The following ADAMTS17 variants were observed in gnomAD, a reference collection of about 807,000 sequenced individuals.
ADAMTS17 encodes ADAM metallopeptidase with thrombospondin type 1 motif 17, also known as A disintegrin and metalloproteinase with thrombospondin motifs 17.
A neutral mutation model predicts 141.5 loss-of-function variants in ADAMTS17; 113 were observed. The observed-to-expected ratio is 0.80, with a 90% CI of 0.69 to 0.93. The LOEUF (loss-of-function observed/expected upper bound fraction) is 0.93, where lower values mean the gene tolerates loss of function less well. Among genes scored for constraint, ADAMTS17 ranks in the 40% least tolerant of loss-of-function variants. The pLI is 0.00. For missense variants in ADAMTS17, 1,659 were observed against 1,517.9 expected (o/e 1.09, Z -1.54); for synonymous variants, 768 against 630.6 (o/e 1.22, Z -3.27).
intron 7 of ADAMTS17, among the ~76,000 whole-genome samples, chr15:100,229,495 T>C (rs2042410907): frequency 6.6e-6 from 1 of 152,208 alleles, no homozygotes; most frequent in African/African-American, 2.4e-5. Flanking sequence ...GTTCTGCCTG[T>C]TGACCTGGAT....
At chr15:99,977,641 C>T (rs1033990765) in intron 20 of ADAMTS17, among the ~76,000 whole-genome samples, 5 of 151,394 alleles carry the variant, frequency 3.3e-5, no homozygotes, top group African/African-American at 1.2e-4. Context: ...GTCTTGAACT[C>T]CTGACCTCAG....
At chr15:100,079,166 C>A (rs2034570818) in intron 15 of ADAMTS17, among the ~76,000 whole-genome samples, 1 of 152,172 alleles carries the variant, frequency 6.6e-6, no homozygotes, top group South Asian at 2.1e-4. Flanking sequence ...AAAAGTTAAA[C>A]ACAGAATTCT....
intron 10 of ADAMTS17, among the ~76,000 whole-genome samples, chr15:100,142,304 T>C (rs930748488): frequency 6.6e-6 from 1 of 152,118 alleles, no homozygotes; most frequent in Non-Finnish European, 1.5e-5. Context: ...GAGAAAAGCC[T>C]GGAGACTGGG....
At chr15:100,083,064 T>C in intron 15 of ADAMTS17, among the ~76,000 whole-genome samples, 1 of 152,184 alleles carries the variant, frequency 6.6e-6, no homozygotes, top group East Asian at 1.9e-4. Context: ...AAGTAACACA[T>C]TTCACCGGCC....
rs1048579523 is a variant in ADAMTS17 at position 100,078,696 on chromosome 15, A to G, written c.2137+17660T>C. ...TAGACACAGCAGCAAAAGCACACGC[A>G]ACAAAAGAAAAAATAGTTTAACTGG... On this transcript the variant is annotated intron_variant, in intron 15 of 21. Transcript: ENST00000268070. 2.0e-5 allele frequency among the ~76,000 whole-genome samples: 3 copies of G among 152,238 alleles called. No individual in the cohort carries two copies. In the East Asian group the frequency reaches 5.8e-4, roughly 29 times the overall value.
chr15:100,153,621 G>C (rs935108293), intron 9 of ADAMTS17, among the ~76,000 whole-genome samples: 7 of 152,310 alleles, frequency 4.6e-5, no homozygotes, highest in Admixed American at 1.3e-4. Context: ...TCCAGCCTGG[G>C]TGAGAGAGTG....
rs533666898 is a variant in ADAMTS17 at position 100,258,473 on chromosome 15, T to C, written c.1031+3006A>G. Among the ~76,000 whole-genome samples the C allele has an allele frequency of 3.6e-3, 555 of 152,350 alleles. 3 individuals carry two copies. The highest frequency in any genetic ancestry group is 0.013 in the African/African-American group (522 of 41,574). On this transcript the variant is annotated intron_variant, in intron 6 of 21. Coordinates refer to ENST00000268070, the MANE Select transcript of ADAMTS17 (RefSeq NM_139057.4). ...AAATTTACAGAAGAAAGAGGTTTAATGCACTTATAGTTCCACATGGCTGGG... is the reference window on the plus strand; with the variant it reads ...AAATTTACAGAAGAAAGAGGTTTAACGCACTTATAGTTCCACATGGCTGGG...
intron 6 of ADAMTS17, among the ~76,000 whole-genome samples, chr15:100,255,572 C>T (rs2043297442): frequency 6.7e-6 from 1 of 148,336 alleles, no homozygotes; most frequent in Non-Finnish European, 1.5e-5. Flanking sequence ...CCTACCTAGC[C>T]CCAGCCCAAC....
intron 18 of ADAMTS17, among the ~76,000 whole-genome samples, chr15:100,027,322 G>A (rs2061534449): frequency 1.3e-5 from 2 of 151,564 alleles, no homozygotes; most frequent in South Asian, 2.1e-4. Context: ...TTTTGTCAGA[G>A]CATATAACAT....
chr15:100,236,213 C>T (rs2042648284), intron 7 of ADAMTS17, among the ~76,000 whole-genome samples: 3 of 145,322 alleles, frequency 2.1e-5, no homozygotes, highest in Admixed American at 1.4e-4. Context: ...GATATTTGCA[C>T]AAGTAATCAT....
At chr15:100,068,534 G>C (rs1391486727) in intron 15 of ADAMTS17, among the ~76,000 whole-genome samples, 6 of 152,130 alleles carry the variant, frequency 3.9e-5, no homozygotes, top group Admixed American at 2.0e-4. Context: ...CACACAGCTG[G>C]GTATCCCTCT....
At chr15:100,018,229 C>T (rs2061330348) in intron 18 of ADAMTS17, among the ~76,000 whole-genome samples, 1 of 152,166 alleles carries the variant, frequency 6.6e-6, no homozygotes, top group Admixed American at 6.5e-5. Context: ...TGTGTCGTAG[C>T]CTGTGTCAGC....
chr15:100,058,188 C>CCTTATCCCGGCTCTAACCCT (rs2032770172), intron 15 of ADAMTS17, among the ~76,000 whole-genome samples: 1 of 103,282 alleles, frequency 9.7e-6, no homozygotes, highest in African/African-American at 3.4e-5. Flanking sequence ...GCTCTAACAC[C>CCTTATCCCGGCTCTAACCCT]CCTATCCCAG....
At chr15:100,331,116 C>T in intron 2 of ADAMTS17, 62 bp from the exon 3 acceptor site, 1 of 1,603,152 alleles carries the variant, frequency 6.2e-7, no homozygotes, top group Non-Finnish European at 8.5e-7. Flanking sequence ...GCCCATGGCC[C>T]CCCGGAGGGG....
intron 18 of ADAMTS17, among the ~76,000 whole-genome samples, chr15:100,006,871 G>A (rs895319576): frequency 2.0e-5 from 3 of 152,228 alleles, no homozygotes; most frequent in Non-Finnish European, 2.9e-5. Context: ...CAACATGGCA[G>A]CATAAAAAGG....
intron 7 of ADAMTS17, among the ~76,000 whole-genome samples, chr15:100,203,352 C>T (rs1164159914): frequency 2.0e-5 from 3 of 152,018 alleles, no homozygotes; most frequent in Non-Finnish European, 2.9e-5. Context: ...CTGGGAGGAT[C>T]GCCTGAGGTC....
At chr15:100,231,182 C>T (rs148133865) in intron 7 of ADAMTS17, among the ~76,000 whole-genome samples, 40 of 152,244 alleles carry the variant, frequency 2.6e-4, no homozygotes, top group Non-Finnish European at 5.1e-4. Flanking sequence ...TTTTCAGGAC[C>T]GTGTTATGTT....
At chr15:100,315,257 T>A (rs917781895) in intron 3 of ADAMTS17, among the ~76,000 whole-genome samples, 9 of 152,158 alleles carry the variant, frequency 5.9e-5, no homozygotes, top group Admixed American at 2.6e-4. Flanking sequence ...CACTGCTGCT[T>A]CCTGCGGCAG....
chr15:100,113,272 T>C (rs1356624250), intron 13 of ADAMTS17, among the ~76,000 whole-genome samples: 2 of 152,202 alleles, frequency 1.3e-5, no homozygotes, highest in Non-Finnish European at 2.9e-5. Context: ...CACTCCCTTA[T>C]ATGTAATTCA....
Sources: allele counts gnomAD v4.1 joint callset (sites outside exome capture counted in the v4.1 genomes callset), GRCh38; gene constraint gnomAD v4.1.1; transcripts MANE v1.5; gene names NCBI Gene and HGNC (gene_info 2026-07-23, HGNC 2026-07-21).